Variants in VDAC1 observed in about 807,000 individuals in gnomAD.
The protein encoded by VDAC1 is non-selective voltage-gated ion channel VDAC1.
VDAC1 carries 10 observed loss-of-function variants against 34.7 expected under a neutral mutation model. The observed-to-expected ratio is 0.29, with a 90% CI of 0.18 to 0.49. VDAC1 has a LOEUF of 0.49. VDAC1 is among the 20% of genes least tolerant of loss of function. VDAC1 has a pLI of 0.99. For missense variants in VDAC1, 230 were observed against 347.9 expected, an observed-to-expected ratio of 0.66 and a Z score of 2.69; for synonymous variants, 130 against 136.0, an observed-to-expected ratio of 0.96 and a Z score of 0.30.
chr5:133,987,979 G>A (rs2126957466), intron 5 of VDAC1, among the ~76,000 whole-genome samples: 1 of 152,122 alleles, frequency 6.6e-6, no homozygotes, highest in East Asian at 1.9e-4. Flanking sequence ...CCAAACTGAG[G>A]GACATCTTAA....
the VDAC1 span, among the ~76,000 whole-genome samples, chr5:134,032,165 G>GACACAGGA: frequency 3.2e-5 from 4 of 124,014 alleles, no homozygotes; most frequent in African/African-American, 1.3e-4. Context: ...TGGCTTTGAA[G>GACACAGGA]ACACAGGAAG....
At chr5:134,074,587 C>T in the VDAC1 span, among the ~76,000 whole-genome samples, 12 of 152,052 alleles carry the variant, frequency 7.9e-5, no homozygotes, top group Non-Finnish European at 1.3e-4. Context: ...TACAGGCCAC[C>T]AGTCAGGCCT....
chr5:134,072,584 C>T, the VDAC1 span, among the ~76,000 whole-genome samples: 1 of 152,242 alleles, frequency 6.6e-6, no homozygotes, highest in Non-Finnish European at 1.5e-5. Context: ...CACAGCTCTG[C>T]TCTGGGCAGA....
the VDAC1 span, among the ~76,000 whole-genome samples, chr5:134,096,318 T>C: frequency 1.4e-3 from 207 of 152,314 alleles, no homozygotes; most frequent in African/African-American, 4.8e-3. Context: ...AGTCCCAGAG[T>C]GCCCTCACCC....
chr5:133,991,125 A>G lies in VDAC1; in HGVS notation c.147T>C (p.Thr49=). Residue 49 remains threonine, a synonymous_variant, in exon 4 of 9, where the codon ACT becomes ACC. Transcript: ENST00000265333. The part of the protein sequence containing the change: ...LEFTSSGSAN[T]ETTKVTGSLE... ...GACTGCCCGTCACTTTGGTGGTCTC[A>G]GTGTTGGCTGAGCCTGAGCTTGTAA... is the stretch of plus-strand genomic sequence containing the variant. 1 of 1,612,998 alleles carries G rather than the reference A, an allele frequency of 6.2e-7. No individual in the cohort carries two copies. Among genetic ancestry groups the G allele is most frequent in the Non-Finnish European group, 8.5e-7 (1 of 1,180,038 alleles).
the VDAC1 span, among the ~76,000 whole-genome samples, chr5:134,054,760 T>C: frequency 0.75 from 114,474 of 152,120 alleles, 43,586 homozygotes; most frequent in East Asian, 0.89. Context: ...CTCGCCCAAC[T>C]GGACCACAGT....
chr5:134,090,818 CACACTT>C, the VDAC1 span, among the ~76,000 whole-genome samples: 2 of 152,226 alleles, frequency 1.3e-5, no homozygotes, highest in Non-Finnish European at 2.9e-5. Context: ...GAGGAGAAGA[CACACTT>C]ACAATAACAG....
At chr5:134,114,206 C>T in the VDAC1 span, among the ~76,000 whole-genome samples, 2 of 152,152 alleles carry the variant, frequency 1.3e-5, no homozygotes, top group Non-Finnish European at 2.9e-5. Context: ...GGGCAAGAGC[C>T]GCAACAGCGC....
intron 1 of VDAC1, among the ~76,000 whole-genome samples, chr5:133,995,347 C>A (rs1446250615): frequency 6.6e-6 from 1 of 152,200 alleles, no homozygotes; most frequent in South Asian, 2.1e-4. Flanking sequence ...CTATCCAATG[C>A]CTCACTGTAA....
At chr5:134,036,166 A>G in the VDAC1 span, among the ~76,000 whole-genome samples, 1 of 152,192 alleles carries the variant, frequency 6.6e-6, no homozygotes, top group Non-Finnish European at 1.5e-5. Context: ...TTAATTGATT[A>G]CAAACAGAAA....
At chr5:134,111,361 CAGA>C in the VDAC1 span, among the ~76,000 whole-genome samples, 6 of 152,138 alleles carry the variant, frequency 3.9e-5, no homozygotes, top group South Asian at 2.1e-4. Flanking sequence ...TGGATGAATC[CAGA>C]AGACTCTGGG....
chr5:134,019,869 C>G, the VDAC1 span, among the ~76,000 whole-genome samples: 2 of 152,216 alleles, frequency 1.3e-5, no homozygotes, highest in African/African-American at 2.4e-5. Context: ...CTGGAGAGGA[C>G]TTGCTTCCTC....
chr5:134,046,694 T>G, the VDAC1 span, among the ~76,000 whole-genome samples: 50 of 152,326 alleles, frequency 3.3e-4, no homozygotes, highest in African/African-American at 1.1e-3. Context: ...TGGGTTGTTT[T>G]GGGCAGCACC....
chr5:134,062,857 C>T, the VDAC1 span, among the ~76,000 whole-genome samples: 1 of 151,616 alleles, frequency 6.6e-6, no homozygotes, highest in Non-Finnish European at 1.5e-5. Context: ...GAAGCCCTGA[C>T]CTCAAATGAT....
chr5:133,981,876 C>G lies in VDAC1; in HGVS notation c.324-920G>C, dbSNP rs560737384. Among the ~76,000 whole-genome samples the G allele has an allele frequency of 3.2e-4, 49 of 152,322 alleles. 1 individual carries two copies. The highest frequency in any genetic ancestry group is 2.9e-3 in the Admixed American group (44 of 15,300). The stretch of plus-strand genomic sequence containing the variant: ...TCTCAGCAGAGACCACAGGAGGAAC[C>G]AGATCCACTCAGAGCCTCAAGGACT... On this transcript the variant is annotated intron_variant, in intron 5 of 8. Coordinates refer to ENST00000265333, the MANE Select transcript of VDAC1 (RefSeq NM_003374.3).
At chr5:134,084,253 T>C in the VDAC1 span, among the ~76,000 whole-genome samples, 1 of 151,492 alleles carries the variant, frequency 6.6e-6, no homozygotes, top group Non-Finnish European at 1.5e-5. Flanking sequence ...AGAGGGGAGG[T>C]GCCGAGGTAG....
At chr5:134,111,943 C>A in the VDAC1 span, among the ~76,000 whole-genome samples, 2 of 152,158 alleles carry the variant, frequency 1.3e-5, no homozygotes, top group Non-Finnish European at 2.9e-5. Flanking sequence ...CCCTATGTCA[C>A]AGGGTTGGTG....
At chr5:134,006,326 A>G (rs1753749685), upstream of VDAC1, among the ~76,000 whole-genome samples, 1 of 152,174 alleles carries the variant, frequency 6.6e-6, no homozygotes, top group Non-Finnish European at 1.5e-5. Context: ...CGGGCGGGAC[A>G]AGGCGGGGCT....
chr5:133,977,221 C>T (rs1752515073), intron 6 of VDAC1, among the ~76,000 whole-genome samples: 1 of 152,218 alleles, frequency 6.6e-6, no homozygotes, highest in Admixed American at 6.5e-5. Flanking sequence ...GACCCAGCCT[C>T]TTGGAGGAGC....
Sources: gnomAD v4.1 joint callset for allele counts (sites outside exome capture counted in the v4.1 genomes callset) on GRCh38, gnomAD v4.1.1 for gene constraint, MANE v1.5 for transcripts, NCBI Gene and HGNC (gene_info 2026-07-23, HGNC 2026-07-21) for gene names.